The following ZC3H8 variants were observed in gnomAD, a reference collection of about 807,000 sequenced individuals.
ZC3H8 encodes zinc finger CCCH domain-containing protein 8.
Under a neutral mutation model 42.5 loss-of-function variants are expected in ZC3H8, and 27 were observed. The observed-to-expected ratio is 0.64, with a 90% CI of 0.47 to 0.88. The LOEUF (loss-of-function observed/expected upper bound fraction) is 0.88. ZC3H8 is among the 40% of genes least tolerant of loss of function. The pLI is 0.00. For missense variants in ZC3H8, 277 were observed against 336.1 expected (o/e 0.82, Z 1.37); for synonymous variants, 101 against 110.1 (o/e 0.92, Z 0.52).
chr2:112,252,837 C>T (rs922008313), intron 1 of ZC3H8, among the ~76,000 whole-genome samples: 1 of 152,134 alleles, frequency 6.6e-6, no homozygotes, highest in South Asian at 2.1e-4. Flanking sequence ...TCCTTATCTA[C>T]CTTCTTAAAA....
chr2:112,230,752 G>T (rs905154356), intron 8 of ZC3H8, 151 bp downstream of exon 8: 6 of 409,054 alleles, frequency 1.5e-5, no homozygotes, highest in African/African-American at 8.6e-5. Context: ...ATCCATATAG[G>T]TATGTAAATA....
chr2:112,223,805 CA>C (rs1684699237), intron 8 of ZC3H8, among the ~76,000 whole-genome samples: 1 of 152,092 alleles, frequency 6.6e-6, no homozygotes, highest in African/African-American at 2.4e-5. Context: ...TACGAAACTG[CA>C]GATTAACTGA....
chr2:112,232,130 C>T (rs562377788), intron 6 of ZC3H8, among the ~76,000 whole-genome samples, 183 bp from the exon 7 acceptor site: 2 of 152,068 alleles, frequency 1.3e-5, no homozygotes, highest in Admixed American at 6.6e-5. Context: ...GCCAACATGG[C>T]GAAACCTCGC....
chr2:112,226,383 T>A (rs1450476992), intron 8 of ZC3H8, among the ~76,000 whole-genome samples: 1 of 151,628 alleles, frequency 6.6e-6, no homozygotes, highest in Non-Finnish European at 1.5e-5. Context: ...GGTCAGGAGA[T>A]CAAGACCATC....
intron 2 of ZC3H8, among the ~76,000 whole-genome samples, chr2:112,242,783 C>T (rs570341007): frequency 6.6e-6 from 1 of 152,286 alleles, no homozygotes; most frequent in East Asian, 1.9e-4. Context: ...CTCCAGCTCT[C>T]TTCTGATTAA....
Position 112,211,960 on chromosome 2 carries a change from T to G in ZC3H8, c.*4524A>C, listed in dbSNP as rs1684153188. 1 of 152,208 alleles carries G rather than the reference T, an allele frequency of 6.6e-6. No individual in the cohort carries two copies. The highest frequency in any genetic ancestry group is 6.5e-5 in the Admixed American group (1 of 15,280). The allele number at this position is 152,208 out of a possible 1,614,324, so 9.4% of individuals were successfully genotyped here. A position where few individuals can be genotyped will look rare whatever the true frequency, so the allele number is the denominator to read the frequency against. ...CTCTTCCTAGTTTTCTGCTCCTTAT[T>G]ATGAAAATAGCCCTCCCCATCTTAA... On this transcript the variant is annotated 3_prime_UTR_variant, in exon 9 of 9. Coordinates refer to ENST00000409573, the MANE Select transcript of ZC3H8 (RefSeq NM_032494.3).
intron 2 of ZC3H8, 127 bp from the exon 3 acceptor site, chr2:112,238,655 C>T: frequency 1.5e-6 from 1 of 658,052 alleles, no homozygotes; most frequent in South Asian, 2.3e-5. Context: ...ACATGGGATT[C>T]ATATACTATT....
At chr2:112,252,713 G>A (rs989050376) in intron 1 of ZC3H8, among the ~76,000 whole-genome samples, 20 of 152,074 alleles carry the variant, frequency 1.3e-4, no homozygotes, top group African/African-American at 4.3e-4. Flanking sequence ...AGCTCACTCC[G>A]TCTGAGGACC....
chr2:112,252,920 G>C (rs904901574), intron 1 of ZC3H8, among the ~76,000 whole-genome samples: 1 of 152,194 alleles, frequency 6.6e-6, no homozygotes, highest in Admixed American at 6.5e-5. Flanking sequence ...AAGGCGGGCA[G>C]ATCACAAGGT....
intron 4 of ZC3H8, among the ~76,000 whole-genome samples, chr2:112,234,922 T>C (rs1685255724): frequency 6.6e-6 from 1 of 152,090 alleles, no homozygotes; most frequent in East Asian, 1.9e-4. Flanking sequence ...CCAAAAGCAG[T>C]GGAATCTATA....
At chr2:112,234,996 A>C (rs988044925) in intron 4 of ZC3H8, among the ~76,000 whole-genome samples, 3 of 152,158 alleles carry the variant, frequency 2.0e-5, no homozygotes, top group African/African-American at 4.8e-5. Flanking sequence ...TAACACACGC[A>C]ACTAGAAATA....
At chr2:112,252,415 T>C (rs1685982776) in intron 1 of ZC3H8, among the ~76,000 whole-genome samples, 1 of 152,214 alleles carries the variant, frequency 6.6e-6, no homozygotes, top group Non-Finnish European at 1.5e-5. Context: ...GTTTGACCAC[T>C]TCTTGCCACT....
At position 112,215,275 on chromosome 2, in the gene ZC3H8, C is replaced by T. The variant is rs1370550824; in HGVS notation, c.*1209G>A. On this transcript the variant is annotated 3_prime_UTR_variant, in exon 9 of 9. Coordinates refer to ENST00000409573, the MANE Select transcript of ZC3H8 (RefSeq NM_032494.3). ...GAGACTTAAATAAGAAGTGCCTTGC[C>T]CACCTCCCGAGCCACAGCTGAGAAG... is the stretch of plus-strand genomic sequence containing the variant. 2 of 152,130 alleles carry T rather than the reference C, an allele frequency of 1.3e-5. No individual in the cohort carries two copies. Among genetic ancestry groups the T allele is most frequent in the African/African-American group, 4.8e-5 (2 of 41,414 alleles). The allele number at this position is 152,130 out of a possible 1,614,324, so 9.4% of individuals were successfully genotyped here.
chr2:112,250,355 G>T, intron 1 of ZC3H8, 83 bp from the exon 2 acceptor site: 1 of 938,718 alleles, frequency 1.1e-6, no homozygotes, highest in East Asian at 3.1e-5. Context: ...CACTGCTTTG[G>T]CTTGTCTTCA....
intron 8 of ZC3H8, among the ~76,000 whole-genome samples, chr2:112,229,117 A>G (rs919908778): frequency 2.6e-5 from 4 of 152,218 alleles, no homozygotes; most frequent in African/African-American, 9.6e-5. Flanking sequence ...CTGACATCCC[A>G]GAAACAGACC....
intron 1 of ZC3H8, 89 bp downstream of exon 1, chr2:112,254,819 G>A (rs1331648539): frequency 2.8e-6 from 4 of 1,446,916 alleles, no homozygotes; most frequent in Non-Finnish European, 3.7e-6. Flanking sequence ...GCCCGGACGT[G>A]GCCCCGGACT....
intron 4 of ZC3H8, 90 bp from the exon 5 acceptor site, chr2:112,234,326 G>C (rs1456765764): frequency 9.9e-7 from 1 of 1,008,702 alleles, no homozygotes; most frequent in Non-Finnish European, 1.4e-6. Flanking sequence ...ACCAACTTCA[G>C]AGCCTTAAAG....
intron 6 of ZC3H8, among the ~76,000 whole-genome samples, chr2:112,233,032 A>G (rs1016370709): frequency 6.6e-6 from 1 of 152,212 alleles, no homozygotes; most frequent in South Asian, 2.1e-4. Flanking sequence ...GACCCTCTAT[A>G]CCACCCAGGT....
Position 112,234,129 on chromosome 2 carries a change from T to G in ZC3H8, c.612A>C (p.Lys204Asn). ...KQICKYFLER[K>N]CIKGDQCKFD... ...TTACACATTTTTATACCTTAATACATTTCCTTTCAAGAAAATATTTACAAA... is the reference window on the plus strand; with the variant it reads ...TTACACATTTTTATACCTTAATACAGTTCCTTTCAAGAAAATATTTACAAA... The change falls in exon 5 of 9, where the codon AAA becomes AAC. Residue 204 changes from lysine to asparagine, a missense_variant. Coordinates refer to ENST00000409573, the MANE Select transcript of ZC3H8 (RefSeq NM_032494.3). The G allele has an allele frequency of 6.4e-7, 1 of 1,572,084 alleles. No individual in the cohort carries two copies. The highest frequency in any genetic ancestry group is 8.7e-7 in the Non-Finnish European group (1 of 1,156,050).
Sources: allele counts gnomAD v4.1 joint callset (sites outside exome capture counted in the v4.1 genomes callset), GRCh38; gene constraint gnomAD v4.1.1; transcripts MANE v1.5; gene names NCBI Gene and HGNC (gene_info 2026-07-23, HGNC 2026-07-21).